The following TPTE2 variants were observed in gnomAD, a reference collection of about 807,000 sequenced individuals.
The protein encoded by TPTE2 is transmembrane phosphoinositide 3-phosphatase and tensin homolog 2.
TPTE2 carries 53 observed loss-of-function variants against 78.6 expected under a neutral mutation model. The observed-to-expected ratio is 0.67, with a 90% CI of 0.54 to 0.85. The LOEUF (loss-of-function observed/expected upper bound fraction) is 0.85, where lower values mean the gene tolerates loss of function less well. TPTE2 is among the 40% of genes least tolerant of loss of function. The pLI, the probability that TPTE2 is intolerant of heterozygous loss-of-function variation, is 0.00. For missense variants in TPTE2, 461 were observed against 623.0 expected (o/e 0.74, Z 2.77); for synonymous variants, 175 against 206.2 (o/e 0.85, Z 1.30).
intron 7 of TPTE2, among the ~76,000 whole-genome samples, chr13:19,466,298 G>A (rs1481494715): frequency 6.6e-6 from 1 of 152,194 alleles, no homozygotes; most frequent in Non-Finnish European, 1.5e-5. Flanking sequence ...CTAGCAAGCT[G>A]TCAAGTGATG....
chr13:19,533,453 T>A (rs1469633042), intron 1 of TPTE2, among the ~76,000 whole-genome samples: 1 of 152,266 alleles, frequency 6.6e-6, no homozygotes, highest in Non-Finnish European at 1.5e-5. Context: ...TCTATTTCAC[T>A]GATGGAAGGT....
intron 1 of TPTE2, among the ~76,000 whole-genome samples, chr13:19,511,241 G>C (rs1216015462): frequency 6.6e-6 from 1 of 152,126 alleles, no homozygotes; most frequent in African/African-American, 2.4e-5. Flanking sequence ...GCATGCTGTG[G>C]AATTTTTCAT....
chr13:19,530,072 C>A (rs1170558350), intron 1 of TPTE2, among the ~76,000 whole-genome samples: 1 of 152,150 alleles, frequency 6.6e-6, no homozygotes, highest in Non-Finnish European at 1.5e-5. Context: ...AATTCATATT[C>A]CTTTTACTCC....
At chr13:19,498,829 C>T (rs1212493118) in intron 1 of TPTE2, among the ~76,000 whole-genome samples, 1 of 152,036 alleles carries the variant, frequency 6.6e-6, no homozygotes, top group Non-Finnish European at 1.5e-5. Context: ...GGACTAAATG[C>T]TCCAATCAAA....
intron 17 of TPTE2, among the ~76,000 whole-genome samples, chr13:19,429,429 A>T (rs1219174865): frequency 2.6e-5 from 4 of 152,368 alleles, no homozygotes; most frequent in Non-Finnish European, 5.9e-5. Flanking sequence ...TGCTGGTGCC[A>T]TTTGCAGAGG....
upstream of TPTE2, among the ~76,000 whole-genome samples, chr13:19,539,460 T>C (rs983716920): frequency 6.6e-6 from 1 of 152,212 alleles, no homozygotes; most frequent in Admixed American, 6.5e-5. Flanking sequence ...GTGCCTTTGC[T>C]TCTCCTTCGC....
intron 11 of TPTE2, 103 bp from the exon 15 acceptor site, chr13:19,450,447 T>A: frequency 9.2e-7 from 1 of 1,091,010 alleles, no homozygotes; most frequent in Non-Finnish European, 1.3e-6. Flanking sequence ...CTTATCTATC[T>A]TCAAAAAGAG....
In TPTE2 at chr13:19,486,431, G is replaced by T. The variant is rs1880665775; in HGVS notation, c.120-3884C>A. ...ACTGGGTCAGAAAACTTGGAGTATG[G>T]CCTTATGCGGCTGGCCATGGTGCTG... On this transcript the variant is annotated intron_variant, in intron 3 of 19. Coordinates refer to ENST00000400230, the Ensembl canonical transcript of TPTE2. This position sits in a 1 kb window ranked among gnomAD's most constrained non-coding sequence, Gnocchi z 4.3. Among the ~76,000 whole-genome samples the T allele has an allele frequency of 6.6e-6, 1 of 152,170 alleles. No homozygotes were observed. Among genetic ancestry groups the T allele is most frequent in the South Asian group, 2.1e-4 (1 of 4,832 alleles).
chr13:19,477,005 T>C (rs1739700157), intron 4 of TPTE2, among the ~76,000 whole-genome samples: 1 of 152,182 alleles, frequency 6.6e-6, no homozygotes, highest in Admixed American at 6.6e-5. Context: ...ATGTGGTACA[T>C]ATATACCATG....
At position 19,486,879 on chromosome 13, in the gene TPTE2, G is replaced by A. The variant is rs1462309244; in HGVS notation, c.120-4332C>T. Among the ~76,000 whole-genome samples, 1 of 152,086 alleles carries A rather than the reference G, an allele frequency of 6.6e-6. No homozygotes were observed. The highest frequency in any genetic ancestry group is 1.5e-5 in the Non-Finnish European group (1 of 68,008). On this transcript the variant is annotated intron_variant, in intron 3 of 19. Transcript: ENST00000400230. This position sits in a 1 kb window ranked among gnomAD's most constrained non-coding sequence, Gnocchi z 4.3. ...CACTGCTGCTCAGCTGGCCTGGGTGGTGCCTGCCAGGGGAAGCCCAGGGGA... is the reference window on the plus strand; with the variant it reads ...CACTGCTGCTCAGCTGGCCTGGGTGATGCCTGCCAGGGGAAGCCCAGGGGA...
At chr13:19,517,388 G>T (rs992513871) in intron 1 of TPTE2, among the ~76,000 whole-genome samples, 7 of 151,864 alleles carry the variant, frequency 4.6e-5, no homozygotes, top group African/African-American at 1.5e-4. Flanking sequence ...ATTGCTATTT[G>T]GCCTTACACC....
chr13:19,525,682 A>G (rs984951810), intron 1 of TPTE2, among the ~76,000 whole-genome samples: 1 of 152,196 alleles, frequency 6.6e-6, no homozygotes, highest in South Asian at 2.1e-4. Flanking sequence ...CAACAAAAAC[A>G]AAAACAGACA....
chr13:19,553,734 A>T, the TPTE2 span, among the ~76,000 whole-genome samples: 1 of 152,192 alleles, frequency 6.6e-6, no homozygotes, highest in East Asian at 1.9e-4. Context: ...GTACAATTCT[A>T]AAAGATGCAA....
At chr13:19,492,740 A>G in intron 3 of TPTE2, 110 bp downstream of exon 6, 3 of 1,461,064 alleles carry the variant, frequency 2.1e-6, no homozygotes, top group Non-Finnish European at 2.8e-6. Flanking sequence ...ATGTGTTGAC[A>G]AAAGTGTGTA....
chr13:19,434,815 G>C (rs896759290), intron 15 of TPTE2, among the ~76,000 whole-genome samples: 2 of 152,120 alleles, frequency 1.3e-5, no homozygotes, highest in Admixed American at 1.3e-4. Flanking sequence ...GGTTTCAGGG[G>C]CAATATAGAA....
chr13:19,480,043 A>AATTAAAAGCACAAAT (rs1389586412), intron 4 of TPTE2, among the ~76,000 whole-genome samples: 1 of 149,574 alleles, frequency 6.7e-6, no homozygotes, highest in Non-Finnish European at 1.5e-5. Flanking sequence ...ATCAAAGTTG[A>AATTAAAAGCACAAAT]ATTAAAAGCA....
At chr13:19,479,892 G>A (rs1200027736) in intron 4 of TPTE2, among the ~76,000 whole-genome samples, 3 of 151,716 alleles carry the variant, frequency 2.0e-5, no homozygotes, top group Non-Finnish European at 2.9e-5. Context: ...GAACCTGGGA[G>A]GCCAAGGTTG....
chr13:19,553,560 A>G, the TPTE2 span, among the ~76,000 whole-genome samples: 4 of 152,162 alleles, frequency 2.6e-5, no homozygotes, highest in African/African-American at 9.7e-5. Flanking sequence ...AATGTCCACT[A>G]ACAGGTGAAT....
chr13:19,498,260 A>C (rs1355422520), intron 1 of TPTE2, among the ~76,000 whole-genome samples: 1 of 152,038 alleles, frequency 6.6e-6, no homozygotes, highest in African/African-American at 2.4e-5. Flanking sequence ...CCAATCTAGC[A>C]AGGCAGGCCA....
Sources: gnomAD v4.1 joint callset for allele counts (sites outside exome capture counted in the v4.1 genomes callset) on GRCh38, gnomAD v4.1.1 for gene constraint, Gnocchi (gnomAD v3.1) non-coding constraint, MANE v1.5 for transcripts, NCBI Gene and HGNC (gene_info 2026-07-23, HGNC 2026-07-21) for gene names.